The following KCNT2 variants were observed in gnomAD, a reference collection of about 807,000 sequenced individuals.
KCNT2 encodes the protein potassium channel subfamily T member 2.
In KCNT2, 67 loss-of-function variants were observed where a neutral mutation model predicts 153.8. The ratio of observed to expected loss-of-function variants is 0.44; its 90% CI spans 0.36 to 0.53. The LOEUF (loss-of-function observed/expected upper bound fraction) is 0.53. Among genes scored for constraint, KCNT2 ranks in the 20% least tolerant of loss-of-function variants. The probability of loss-of-function intolerance (pLI) is 0.00; values close to 1 mark genes in which losing one functional copy is unlikely to be tolerated. For missense variants in KCNT2, 975 were observed against 1,354.8 expected (o/e 0.72, Z 4.40); for synonymous variants, 500 against 458.8 (o/e 1.09, Z -1.15).
intron 6 of KCNT2, 139 bp downstream of exon 6, chr1:196,468,855 T>C (rs1283749324): frequency 1.7e-6 from 1 of 599,252 alleles, no homozygotes; most frequent in African/African-American, 1.9e-5. Context: ...AATTTTATCT[T>C]GTTGCTTAGT....
intron 4 of KCNT2, among the ~76,000 whole-genome samples, chr1:196,480,722 G>A (rs1470271150): frequency 6.6e-6 from 1 of 151,656 alleles, no homozygotes; most frequent in Admixed American, 6.6e-5. Context: ...CGGGCGTGGT[G>A]GCGGGCGCCT....
chr1:196,544,346 T>C (rs1441638564), intron 1 of KCNT2, among the ~76,000 whole-genome samples: 3 of 151,948 alleles, frequency 2.0e-5, no homozygotes, highest in Non-Finnish European at 2.9e-5. Flanking sequence ...GAGGCATATA[T>C]TGGAAAAAGA....
At chr1:196,437,411 A>G (rs1001932376) in intron 8 of KCNT2, among the ~76,000 whole-genome samples, 11 of 141,618 alleles carry the variant, frequency 7.8e-5, no homozygotes, top group African/African-American at 2.6e-4. Context: ...ATATATATAT[A>G]TAAGTTTTCT....
At chr1:196,551,660 C>T (rs771982412) in intron 1 of KCNT2, among the ~76,000 whole-genome samples, 1 of 151,588 alleles carries the variant, frequency 6.6e-6, no homozygotes, top group Non-Finnish European at 1.5e-5. Context: ...GAATACATCT[C>T]ATTAGGATAA....
intron 25 of KCNT2, chr1:196,273,343 T>C (rs1658245549): frequency 1.6e-6 from 1 of 642,266 alleles, no homozygotes; most frequent in Non-Finnish European, 2.6e-6. Context: ...CATTTAAGTT[T>C]AAATGATTTA....
intron 4 of KCNT2, 93 bp from the exon 5 acceptor site, chr1:196,479,331 G>A (rs1047742153): frequency 7.0e-6 from 5 of 712,920 alleles, no homozygotes; most frequent in Non-Finnish European, 1.2e-5. Flanking sequence ...AAATATATGT[G>A]CATGTATACA....
intron 26 of KCNT2, chr1:196,257,966 A>T: frequency 8.5e-7 from 1 of 1,178,766 alleles, no homozygotes; most frequent in Non-Finnish European, 1.1e-6. Flanking sequence ...AATTCATGTA[A>T]TGGGTTTAGC....
At chr1:196,573,853 T>C (rs1373366339) in intron 1 of KCNT2, among the ~76,000 whole-genome samples, 1 of 152,052 alleles carries the variant, frequency 6.6e-6, no homozygotes, top group East Asian at 1.9e-4. Flanking sequence ...CTTGGTATGT[T>C]ACTCTTGTTT....
At chr1:196,323,964 TAA>T (rs202104374) in intron 19 of KCNT2, among the ~76,000 whole-genome samples, 16 of 137,334 alleles carry the variant, frequency 1.2e-4, no homozygotes, top group Admixed American at 1.5e-4. Flanking sequence ...ATCTAATTGT[TAA>T]AAAAAAAAAA....
chr1:196,237,383 C>A (rs1037354080), intron 26 of KCNT2, among the ~76,000 whole-genome samples: 1 of 151,584 alleles, frequency 6.6e-6, no homozygotes, highest in African/African-American at 2.4e-5. Context: ...AATAATTAAA[C>A]CCACTGTAAG....
intron 22 of KCNT2, among the ~76,000 whole-genome samples, chr1:196,288,066 A>G (rs1163495258): frequency 6.6e-6 from 1 of 151,966 alleles, no homozygotes; most frequent in Admixed American, 6.6e-5. Flanking sequence ...ATTTGGGAAG[A>G]GTGAGTGTTA....
At chr1:196,399,147 CAT>C (rs1362728771) in intron 12 of KCNT2, among the ~76,000 whole-genome samples, 2 of 149,226 alleles carry the variant, frequency 1.3e-5, no homozygotes, top group African/African-American at 4.9e-5. Context: ...TGTTTGAAGA[CAT>C]AAAAAACTCT....
Position 196,340,378 on chromosome 1 carries a change from A to C in KCNT2, c.1746T>G (p.Pro582=), listed in dbSNP as rs1171281649. 3 of 1,611,064 alleles carry C rather than the reference A, an allele frequency of 1.9e-6. No homozygotes were observed. The highest frequency in any genetic ancestry group is 1.7e-5 in the Admixed American group (1 of 59,780). The part of the protein sequence containing the change: ...SNVSRSFYHG[P]SRLPVHSIIA... ...TTATGCTATGTACAGGTAATCTGGAAGGTCCATGATAAAACGACCTGGACA... is the reference window on the plus strand; with the variant it reads ...TTATGCTATGTACAGGTAATCTGGACGGTCCATGATAAAACGACCTGGACA... The change falls in exon 16 of 28, where the codon CCT becomes CCG. Residue 582 remains proline, a synonymous_variant. Coordinates refer to ENST00000294725, the MANE Select transcript of KCNT2 (RefSeq NM_198503.5).
intron 3 of KCNT2, among the ~76,000 whole-genome samples, chr1:196,487,864 A>C (rs892837673): frequency 6.6e-6 from 1 of 152,022 alleles, no homozygotes; most frequent in Non-Finnish European, 1.5e-5. Flanking sequence ...CTTGATGTTA[A>C]AAACTAATAA....
chr1:196,361,319 G>A (rs1192576412), intron 14 of KCNT2, among the ~76,000 whole-genome samples: 2 of 152,028 alleles, frequency 1.3e-5, no homozygotes, highest in African/African-American at 4.8e-5. Context: ...ATCCATTGAT[G>A]AGGTAATGGA....
At chr1:196,523,560 A>C (rs752688470) in intron 1 of KCNT2, among the ~76,000 whole-genome samples, 3 of 152,206 alleles carry the variant, frequency 2.0e-5, no homozygotes, top group Admixed American at 6.5e-5. Context: ...ATTTTCCTTC[A>C]TGGTGGCAAG....
At chr1:196,583,069 TC>T (rs1558104814) in intron 1 of KCNT2, among the ~76,000 whole-genome samples, 1 of 152,000 alleles carries the variant, frequency 6.6e-6, no homozygotes. Flanking sequence ...TGTTATTCAT[TC>T]CAGAGAGAGG....
intron 1 of KCNT2, among the ~76,000 whole-genome samples, chr1:196,524,062 G>A (rs958309946): frequency 6.6e-5 from 10 of 152,018 alleles, no homozygotes; most frequent in South Asian, 2.1e-4. Flanking sequence ...TCCCAAAAAC[G>A]AACAAGCTGT....
chr1:196,312,215 T>C (rs534116113), intron 21 of KCNT2, among the ~76,000 whole-genome samples: 6 of 151,668 alleles, frequency 4.0e-5, no homozygotes, highest in Admixed American at 2.0e-4. Flanking sequence ...TTGTCTTTGA[T>C]ATGCAGAAAT....
Sources: allele counts gnomAD v4.1 joint callset (sites outside exome capture counted in the v4.1 genomes callset), GRCh38; gene constraint gnomAD v4.1.1; transcripts MANE v1.5; gene names NCBI Gene and HGNC (gene_info 2026-07-23, HGNC 2026-07-21).